Variants in NBPF9 observed in about 807,000 individuals in gnomAD.
NBPF9 encodes NBPF member 9.
NBPF9 carries 91 observed loss-of-function variants against 97.8 expected under a neutral mutation model. The ratio of observed to expected loss-of-function variants is 0.93; its 90% CI spans 0.79 to 1.11. NBPF9 has a LOEUF of 1.11. NBPF9 is among the 50% of genes least tolerant of loss of function. NBPF9 has a pLI of 0.00. For synonymous variants in NBPF9, 334 were observed against 359.5 expected (o/e 0.93, Z 0.80); for missense variants, 992 against 939.5 (o/e 1.06, Z -0.73).
At chr1:149,100,005 G>T (rs1411784345) in intron 3 of NBPF9, among the ~76,000 whole-genome samples, 2 of 146,824 alleles carry the variant, frequency 1.4e-5, no homozygotes, top group Admixed American at 6.8e-5. Context: ...AAAATGGTTC[G>T]ATGTAGTCCT....
At chr1:149,072,857 A>G (rs782360916) in exon 14 of NBPF9, 1 of 1,604,604 alleles carries the variant, frequency 6.2e-7, no homozygotes. Flanking sequence ...AGCGGGAGGC[A>G]TCTCTCCCTT....
intron 19 of NBPF9, among the ~76,000 whole-genome samples, 188 bp from the exon 20 acceptor site, chr1:149,063,993 GAC>G (rs67607610): frequency 4.7e-5 from 5 of 106,986 alleles, no homozygotes; most frequent in Non-Finnish European, 7.7e-5. Context: ...GAAAGAGAAA[GAC>G]ACACACACAC....
chr1:149,103,383 C>T, exon 1 of NBPF9: 1 of 151,652 alleles, frequency 6.6e-6, no homozygotes, highest in South Asian at 2.1e-4. Context: ...CGGCCCGCTC[C>T]TGGCGCCACA....
At chr1:149,062,814 C>G (rs587726162) in intron 21 of NBPF9, 48 bp downstream of exon 21, 11 of 717,070 alleles carry the variant, frequency 1.5e-5, no homozygotes, top group African/African-American at 7.1e-5. Context: ...GACCTGGCAT[C>G]TCCAGGTGTC....
intron 7 of NBPF9, among the ~76,000 whole-genome samples, chr1:149,081,502 G>C (rs1352918920): frequency 6.6e-6 from 1 of 151,484 alleles, no homozygotes; most frequent in Non-Finnish European, 1.5e-5. Context: ...CTCAGAGCAG[G>C]TACTGGCTAC....
chr1:149,064,005 C>CACACACACAG lies in NBPF9; in HGVS notation c.1854-201_1854-200insCTGTGTGTGT, dbSNP rs1263377775. Among the ~76,000 whole-genome samples the CACACACACAG allele has an allele frequency of 1.9e-4, 15 of 77,008 alleles. 1 individual carries two copies. The highest frequency in any genetic ancestry group is 1.1e-3 in the Admixed American group (8 of 7,518). 50.5% of individuals were successfully genotyped at this position (77,008 alleles called of 152,430 possible). A position where few individuals can be genotyped will look rare whatever the true frequency, so the allele number is the denominator to read the frequency against. On this transcript the variant is annotated intron_variant, in intron 19 of 29. Coordinates refer to ENST00000584027, the Ensembl canonical transcript of NBPF9. ...GATGAAAGAGAAAGACACACACACA[C>CACACACACAG]ACACAGACACAGACACACACACACA...
intron 7 of NBPF9, among the ~76,000 whole-genome samples, chr1:149,080,806 A>C (rs2152907436): frequency 7.1e-6 from 1 of 141,504 alleles, no homozygotes; most frequent in South Asian, 2.4e-4. Context: ...GATAGTGTTT[A>C]CACTGTGCCA....
chr1:149,081,998 C>A, exon 7 of NBPF9: 1 of 1,605,984 alleles, frequency 6.2e-7, no homozygotes, highest in Non-Finnish European at 8.5e-7. Context: ...AGGAAGCCGG[C>A]CAGTTGAGTT....
At chr1:149,070,246 G>T (rs587601299) in intron 16 of NBPF9, among the ~76,000 whole-genome samples, 46 of 150,402 alleles carry the variant, frequency 3.1e-4, no homozygotes, top group African/African-American at 1.1e-3. Flanking sequence ...ACTTGAATCT[G>T]GGAGGCAGAG....
Position 149,061,461 on chromosome 1 carries a change from C to A in NBPF9, c.2252-78G>T. On this transcript the variant is annotated intron_variant, in intron 22 of 29. Transcript: ENST00000584027. Reference sequence around the variant, plus strand: ...ATAACAGTCCACTGTCTAATCCCCACACAGGGATCTCAGGCTCCTCAGCAT... The same window carrying A: ...ATAACAGTCCACTGTCTAATCCCCAAACAGGGATCTCAGGCTCCTCAGCAT... 2 of 438,276 alleles carry A rather than the reference C, an allele frequency of 4.6e-6. 1 individual carries two copies. The highest frequency in any genetic ancestry group is 5.2e-5 in the African/African-American group (2 of 38,682). 27.1% of individuals were successfully genotyped at this position (438,276 alleles called of 1,614,324 possible). A position where few individuals can be genotyped will look rare whatever the true frequency, so the allele number is the denominator to read the frequency against.
intron 5 of NBPF9, among the ~76,000 whole-genome samples, chr1:149,087,268 GTATATATA>G (rs200881375): frequency 6.8e-6 from 1 of 145,990 alleles, no homozygotes; most frequent in Non-Finnish European, 1.5e-5. Context: ...GTGTGTGTCT[GTATATATA>G]TATATATTCC....
exon 7 of NBPF9, chr1:149,082,162 G>C (rs782064743): frequency 2.2e-5 from 35 of 1,611,980 alleles, no homozygotes; most frequent in Non-Finnish European, 2.9e-5. Context: ...GGCAGAAGAG[G>C]TGGGGCCAGG....
chr1:149,083,054 C>T lies in NBPF9; in HGVS notation c.-194-624G>A, dbSNP rs1249720741. On this transcript the variant is annotated intron_variant, in intron 5 of 29. Coordinates refer to ENST00000584027, the Ensembl canonical transcript of NBPF9. ...TCGATCTCCTGACCTCGTGATCTGC[C>T]GCCTCAGCCTCCCAAAGTGCTGGGA... Among the ~76,000 whole-genome samples, 389 of 144,554 alleles carry T rather than the reference C, an allele frequency of 2.7e-3. 2 individuals are homozygous for T. The highest frequency in any genetic ancestry group is 8.9e-3 in the African/African-American group (350 of 39,118). 94.8% of individuals were successfully genotyped at this position (144,554 alleles called of 152,430 possible).
chr1:149,100,856 G>T (rs2082099785), intron 3 of NBPF9, among the ~76,000 whole-genome samples: 1 of 151,554 alleles, frequency 6.6e-6, no homozygotes, highest in African/African-American at 2.4e-5. Flanking sequence ...GATCGCTTGA[G>T]CCAGGAGGTG....
At chr1:149,085,441 C>T (rs1479875004) in intron 5 of NBPF9, among the ~76,000 whole-genome samples, 1 of 152,218 alleles carries the variant, frequency 6.6e-6, no homozygotes, top group East Asian at 1.9e-4. Context: ...CTTGCTTATT[C>T]TAGGTTCTTT....
chr1:149,059,190 T>A, intron 25 of NBPF9, 93 bp from the exon 26 acceptor site: 1 of 428,630 alleles, frequency 2.3e-6, no homozygotes, highest in East Asian at 3.0e-5. Flanking sequence ...AGGAACTGTT[T>A]AAAAAGAAAA....
rs3979925 is a variant in NBPF9, at chr1:149,070,320, CAAAAAAAAA to C, written c.1585+605_1585+613del. On this transcript the variant is annotated intron_variant, in intron 16 of 29. Transcript: ENST00000584027. Reference sequence around the variant, plus strand: ...TGGGTGACAGAGCAAGACTCCATCGCAAAAAAAAAAAAAAAAAAAAAAAAATCCACGATG... The same window carrying C: ...TGGGTGACAGAGCAAGACTCCATCGCAAAAAAAAAAAAAAAATCCACGATG... Among the ~76,000 whole-genome samples the C allele has an allele frequency of 1.7e-4, 8 of 47,808 alleles. No individual in the cohort carries two copies. The East Asian group carries it at 4.0e-3, about 24-fold the overall frequency. The allele number at this position is 47,808 out of a possible 152,430, so 31.4% of individuals were successfully genotyped here. A position where few individuals can be genotyped will look rare whatever the true frequency, so the allele number is the denominator to read the frequency against.
rs1207363893 is a variant in NBPF9, at chr1:149,079,416, C to G, written c.279-195G>C. Among the ~76,000 whole-genome samples the G allele has an allele frequency of 4.0e-5, 6 of 151,790 alleles. No homozygotes were observed. The South Asian group carries it at 1.3e-3, about 32-fold the overall frequency. On this transcript the variant is annotated intron_variant, in intron 8 of 29. Transcript: ENST00000584027. Reference sequence around the variant, plus strand: ...CAGGCTTCCTCTGTATCAGAGAGGGCTCCTGCAAGATCCTCGATGATGTTC... The same window carrying G: ...CAGGCTTCCTCTGTATCAGAGAGGGGTCCTGCAAGATCCTCGATGATGTTC...
intron 4 of NBPF9, among the ~76,000 whole-genome samples, chr1:149,097,673 CT>C (rs1386625363): frequency 6.6e-6 from 1 of 152,122 alleles, no homozygotes; most frequent in African/African-American, 2.4e-5. Flanking sequence ...CTTTCTCCCC[CT>C]CTCAATGCCT....
Sources: gnomAD v4.1 joint callset for allele counts (sites outside exome capture counted in the v4.1 genomes callset) on GRCh38, gnomAD v4.1.1 for gene constraint, MANE v1.5 for transcripts, NCBI Gene and HGNC (gene_info 2026-07-23, HGNC 2026-07-21) for gene names.